The following ADAMTS16 variants were observed in gnomAD, a reference collection of about 807,000 sequenced individuals.
The protein encoded by ADAMTS16 is A disintegrin and metalloproteinase with thrombospondin motifs 16.
In ADAMTS16, 94 loss-of-function variants were observed where a neutral mutation model predicts 145.8. The ratio of observed to expected loss-of-function variants is 0.64; its 90% CI spans 0.55 to 0.77. The LOEUF (loss-of-function observed/expected upper bound fraction) is 0.77. ADAMTS16 is among the 30% of genes least tolerant of loss of function. The pLI, the probability that ADAMTS16 is intolerant of heterozygous loss-of-function variation, is 0.00. For missense variants in ADAMTS16, 1,585 were observed against 1,591.5 expected, an observed-to-expected ratio of 1.00 and a Z score of 0.07; for synonymous variants, 659 against 604.3, an observed-to-expected ratio of 1.09 and a Z score of -1.33.
At position 5,296,224 on chromosome 5, in the gene ADAMTS16, G is replaced by A. The variant is rs564977603; in HGVS notation, c.2790-7044G>A. On this transcript the variant is annotated intron_variant, in intron 18 of 22. Coordinates refer to ENST00000274181, the MANE Select transcript of ADAMTS16 (RefSeq NM_139056.4). Reference sequence around the variant, plus strand: ...TCACAGAGGCTAAGTCACAGGCTCTGAGCCAGCAGCCTGCTGCAGACACAG... The same window carrying A: ...TCACAGAGGCTAAGTCACAGGCTCTAAGCCAGCAGCCTGCTGCAGACACAG... Among the ~76,000 whole-genome samples the A allele has an allele frequency of 2.8e-4, 42 of 152,292 alleles. No individual in the cohort carries two copies. In the East Asian group the frequency reaches 7.4e-3, roughly 27 times the overall value.
In ADAMTS16 at chr5:5,192,235, A is replaced by G. The variant is rs79523371; in HGVS notation, c.1313+445A>G. ...AAGCCACAGCAATGCACAAGTTTCC[A>G]TGTCCCTGGGTCTTTCTCCAACACT... is the stretch of plus-strand genomic sequence containing the variant. On this transcript the variant is annotated intron_variant, in intron 8 of 22. Coordinates refer to ENST00000274181, the MANE Select transcript of ADAMTS16 (RefSeq NM_139056.4). 3.3e-3 allele frequency among the ~76,000 whole-genome samples: 499 copies of G among 152,248 alleles called. 2 individuals are homozygous for G. The highest frequency in any genetic ancestry group is 0.012 in the African/African-American group (482 of 41,552).
intron 17 of ADAMTS16, among the ~76,000 whole-genome samples, chr5:5,254,885 A>G (rs2964409): frequency 0.96 from 145,566 of 152,218 alleles, 69,824 homozygotes; most frequent in Non-Finnish European, 1. Flanking sequence ...ATTAATTTCT[A>G]TAAGTGTATT....
intron 3 of ADAMTS16, among the ~76,000 whole-genome samples, chr5:5,156,408 A>G (rs1734604360): frequency 6.6e-6 from 1 of 152,216 alleles, no homozygotes; most frequent in Non-Finnish European, 1.5e-5. Context: ...CTGTTGCCTT[A>G]CAAAAATCAT....
chr5:5,193,791 C>T (rs1259012408), intron 8 of ADAMTS16, among the ~76,000 whole-genome samples: 5 of 152,106 alleles, frequency 3.3e-5, no homozygotes, highest in Admixed American at 3.3e-4. Flanking sequence ...TCTGGAAAGT[C>T]AGAATCTAGA....
chr5:5,200,070 A>G (rs1354624355), intron 8 of ADAMTS16, 62 bp from the exon 9 acceptor site: 2 of 1,515,022 alleles, frequency 1.3e-6, no homozygotes, highest in Non-Finnish European at 1.8e-6. Flanking sequence ...GTTAGAGGGT[A>G]TCAGATAATT....
chr5:5,189,326 C>T (rs762156861), intron 6 of ADAMTS16, among the ~76,000 whole-genome samples: 31 of 152,180 alleles, frequency 2.0e-4, no homozygotes, highest in East Asian at 9.6e-4. Flanking sequence ...CAATGTTCTA[C>T]GCTCTGTTAC....
rs903604907 is a variant in ADAMTS16, at chr5:5,229,731, G to A, written c.1702-2637G>A. 4.6e-5 allele frequency among the ~76,000 whole-genome samples: 7 copies of A among 152,130 alleles called. No individual in the cohort carries two copies. The South Asian group carries it at 6.2e-4, about 14-fold the overall frequency. On this transcript the variant is annotated intron_variant, in intron 11 of 22. Transcript: ENST00000274181. ...TCTTTATCATTTAGAGAAAAGCATC[G>A]TGGTTTTCCTGTACGATCTCAAACT...
chr5:5,190,139 C>G lies in ADAMTS16; in HGVS notation c.1207+9C>G. On this transcript the variant is annotated intron_variant, in intron 7 of 22. Transcript: ENST00000274181. ...GCCCTGTGACACTTTGGGTGAGAAC[C>G]TCCAGCAGAGTGTGAGGACCGTGTG... 6.3e-7 allele frequency: 1 copy of G among 1,579,548 alleles called. No individual in the cohort carries two copies. Among genetic ancestry groups the G allele is most frequent in the Non-Finnish European group, 8.6e-7 (1 of 1,162,732 alleles).
At chr5:5,158,811 C>T (rs1296542438) in intron 3 of ADAMTS16, among the ~76,000 whole-genome samples, 4 of 152,336 alleles carry the variant, frequency 2.6e-5, no homozygotes, top group African/African-American at 4.8e-5. Flanking sequence ...TTTGTATCTA[C>T]CGCTTAAGCA....
chr5:5,157,420 A>T (rs1039269413), intron 3 of ADAMTS16, among the ~76,000 whole-genome samples: 1 of 152,034 alleles, frequency 6.6e-6, no homozygotes, highest in Non-Finnish European at 1.5e-5. Flanking sequence ...TTAAAAAAAA[A>T]TCATATGCTG....
In ADAMTS16 at chr5:5,240,061, G is replaced by A. The variant is rs10475291; in HGVS notation, c.2523+136G>A. ...AGAGTGATCCATCCATAGCCGGAAT[G>A]AGGCAGCAGGCTTGTTTTTATCATC... On this transcript the variant is annotated intron_variant, in intron 16 of 22. Transcript: ENST00000274181. The A allele has an allele frequency of 3.1e-3, 4,285 of 1,375,132 alleles. 107 individuals carry two copies. The African/African-American group carries it at 0.052, about 17-fold the overall frequency. 85.2% of individuals were successfully genotyped at this position (1,375,132 alleles called of 1,614,324 possible).
intron 17 of ADAMTS16, among the ~76,000 whole-genome samples, chr5:5,245,209 G>A (rs1024259122): frequency 1.3e-5 from 2 of 152,122 alleles, no homozygotes; most frequent in Non-Finnish European, 2.9e-5. Context: ...TCCCATTGGA[G>A]GCTTCTAAAT....
chr5:5,230,405 T>C (rs1000455311), intron 11 of ADAMTS16, among the ~76,000 whole-genome samples: 5 of 152,224 alleles, frequency 3.3e-5, no homozygotes, highest in African/African-American at 1.2e-4. Flanking sequence ...TGTAGGTTTC[T>C]AGGTATGATA....
At chr5:5,278,823 A>G (rs1323885742) in intron 18 of ADAMTS16, among the ~76,000 whole-genome samples, 2 of 152,222 alleles carry the variant, frequency 1.3e-5, no homozygotes, top group Non-Finnish European at 1.5e-5. Flanking sequence ...GTTTATAAAC[A>G]TAATGTATTT....
chr5:5,318,138 C>G lies in ADAMTS16; in HGVS notation c.3416C>G (p.Thr1139Arg). 2 of 1,464,898 alleles carry G rather than the reference C, an allele frequency of 1.4e-6. No individual in the cohort carries two copies. The highest frequency in any genetic ancestry group is 1.8e-6 in the Non-Finnish European group (2 of 1,100,900). The allele number at this position is 1,464,898 out of a possible 1,614,324, so 90.7% of individuals were successfully genotyped here. ...ATGTGTGTGTTGCTCTCACAGTGCA[C>G]GGCCAGCTGTGGGGGAGGCGTTCAG... Reference protein sequence around the residue: ...SWFASPWSQCTASCGGGVQTR... With the variant: ...SWFASPWSQCRASCGGGVQTR... Residue 1139 changes from threonine (T) to arginine (R), a missense_variant, in exon 22 of 23, where the codon ACG (threonine) becomes AGG (arginine). Coordinates refer to ENST00000274181, the MANE Select transcript of ADAMTS16 (RefSeq NM_139056.4).
chr5:5,140,482 G>T lies in ADAMTS16; in HGVS notation c.15G>T (p.Ala5=), dbSNP rs1467806449. The change falls in exon 1 of 23, where the codon GCG becomes GCT. Residue 5 remains alanine (A), a synonymous_variant. Coordinates refer to ENST00000274181, the MANE Select transcript of ADAMTS16 (RefSeq NM_139056.4). ...AGCGCTCCTGGATGAAGCCCCGCGC[G>T]CGCGGATGGCGGGGCTTGGCGGCGC... is the stretch of plus-strand genomic sequence containing the variant. MKPR[A]RGWRGLAALW... 23 of 1,514,918 alleles carry T rather than the reference G, an allele frequency of 1.5e-5. No individual in the cohort carries two copies. The highest frequency in any genetic ancestry group is 1.9e-5 in the Non-Finnish European group (22 of 1,141,290). The allele number at this position is 1,514,918 out of a possible 1,614,324, so 93.8% of individuals were successfully genotyped here.
At chr5:5,257,185 A>G (rs745963667) in intron 17 of ADAMTS16, among the ~76,000 whole-genome samples, 21 of 152,206 alleles carry the variant, frequency 1.4e-4, no homozygotes, top group Non-Finnish European at 2.9e-4. Context: ...ATTGTGCCCC[A>G]GTTTGCCCTT....
intron 18 of ADAMTS16, among the ~76,000 whole-genome samples, chr5:5,268,640 C>T (rs1368594930): frequency 6.6e-6 from 1 of 152,192 alleles, no homozygotes; most frequent in Non-Finnish European, 1.5e-5. Context: ...GAAGCCGCTG[C>T]CCCATACACT....
intron 3 of ADAMTS16, among the ~76,000 whole-genome samples, chr5:5,172,620 A>G (rs2126544420): frequency 6.6e-6 from 1 of 152,232 alleles, no homozygotes; most frequent in South Asian, 2.1e-4. Context: ...ATAGAATTTC[A>G]GGGTTTTTAA....
Sources: allele counts gnomAD v4.1 joint callset (sites outside exome capture counted in the v4.1 genomes callset), GRCh38; gene constraint gnomAD v4.1.1; transcripts MANE v1.5; gene names NCBI Gene and HGNC (gene_info 2026-07-23, HGNC 2026-07-21).